The following RANBP10 variants were observed in gnomAD, a reference collection of about 807,000 sequenced individuals.
The protein encoded by RANBP10 is ran-binding protein 10.
Under a neutral mutation model 72.8 loss-of-function variants are expected in RANBP10, and 24 were observed. That is an observed-to-expected ratio of 0.33 (90% CI 0.24 to 0.46). The LOEUF (loss-of-function observed/expected upper bound fraction) is 0.46. Among genes scored for constraint, RANBP10 ranks in the 20% least tolerant of loss-of-function variants. The pLI is 1.00. For missense variants in RANBP10, 679 were observed against 817.5 expected, an observed-to-expected ratio of 0.83 and a Z score of 2.07; for synonymous variants, 310 against 322.3, an observed-to-expected ratio of 0.96 and a Z score of 0.41.
intron 2 of RANBP10, among the ~76,000 whole-genome samples, chr16:67,786,646 G>A: frequency 6.6e-6 from 1 of 152,314 alleles, no homozygotes; most frequent in South Asian, 2.1e-4. Flanking sequence ...AAAAGTTCCA[G>A]GTCAAGTGCA....
chr16:67,737,603 A>C (rs2053879771), intron 5 of RANBP10, among the ~76,000 whole-genome samples: 1 of 152,022 alleles, frequency 6.6e-6, no homozygotes, highest in South Asian at 2.1e-4. Flanking sequence ...CTAGGGCACT[A>C]ACTTTCCTCA....
Position 67,729,969 on chromosome 16 carries a change from C to G in RANBP10, c.967G>C (p.Glu323Gln). 6.2e-7 allele frequency: 1 copy of G among 1,613,738 alleles called. No individual in the cohort carries two copies. Among genetic ancestry groups the G allele is most frequent in the Non-Finnish European group, 8.5e-7 (1 of 1,180,026 alleles). Residue 323 changes from glutamate (E) to glutamine (Q), a missense_variant, in exon 8 of 14, where the codon GAG becomes CAG. Physicochemically the swap from Glu to Gln is conservative, Grantham distance 29 (BLOSUM62 2). Transcript: ENST00000317506. The surrounding 1 kb of genome is among the most constrained non-coding windows in gnomAD (Gnocchi z 7.1). ...ATGAAGAGGAGGTTGGGGTTGTGCT[C>G]CAGCAGCCCTGGGTAGAAGCGCTGG... ...TTQRFYPGLL[E>Q]HNPNLLFMLK...
At chr16:67,788,924 G>A (rs1212984059) in intron 2 of RANBP10, among the ~76,000 whole-genome samples, 3 of 144,622 alleles carry the variant, frequency 2.1e-5, no homozygotes, top group East Asian at 2.1e-4. Context: ...AGCTTGAACC[G>A]AGGTGGAGGC....
intron 2 of RANBP10, among the ~76,000 whole-genome samples, chr16:67,775,293 A>G (rs2054681781): frequency 6.6e-6 from 1 of 152,164 alleles, no homozygotes; most frequent in South Asian, 2.1e-4. Context: ...TCTGGGTGAC[A>G]AAGAGAGACT....
chr16:67,764,370 G>A (rs568889535), intron 3 of RANBP10, among the ~76,000 whole-genome samples: 2 of 152,268 alleles, frequency 1.3e-5, no homozygotes, highest in South Asian at 4.1e-4. Context: ...GATAAGGGCC[G>A]CTTAACTCAC....
In RANBP10 at chr16:67,729,729, G is replaced by A. The variant is rs1377605905; in HGVS notation, c.1098C>T (p.Pro366=). ...PKSQDSYPGS[P]SLSPRHGPSS... is the part of the protein sequence containing the mutation. ...TGGGGCCATGTCGGGGACTGAGGCT[G>A]GGGGAGCCAGGGTAGCTGTCCTGGG... Residue 366 remains proline, a synonymous_variant, in exon 9 of 14, where the codon CCC becomes CCT. Transcript: ENST00000317506. This position sits in a 1 kb window ranked among gnomAD's most constrained non-coding sequence, Gnocchi z 7.1. 2 of 1,613,888 alleles carry A rather than the reference G, an allele frequency of 1.2e-6. No homozygotes were observed. The highest frequency in any genetic ancestry group is 2.2e-5 in the East Asian group (1 of 44,894).
intron 2 of RANBP10, among the ~76,000 whole-genome samples, chr16:67,776,461 CAAAAAAAAA>C (rs149876935): frequency 1.3e-4 from 5 of 37,894 alleles, no homozygotes; most frequent in Non-Finnish European, 2.5e-4. Flanking sequence ...GACTCCATCT[CAAAAAAAAA>C]AAAAAAAAAA....
chr16:67,775,323 T>A (rs560200451), intron 2 of RANBP10, among the ~76,000 whole-genome samples: 9 of 151,786 alleles, frequency 5.9e-5, no homozygotes, highest in South Asian at 4.2e-4. Context: ...AAAATAAATT[T>A]AAAAAAACCC....
rs771004363 is a variant in RANBP10 at position 67,729,667 on chromosome 16, G to C, written c.1147+13C>G. The C allele has an allele frequency of 6.2e-7, 1 of 1,604,812 alleles. No homozygotes were observed. The highest frequency in any genetic ancestry group is 8.5e-7 in the Non-Finnish European group (1 of 1,175,300). ...CACCAGTTCTTCCCAGAGCCCTCTG[G>C]AGAGTGGCTGACCTGTGTTGTGCAT... On this transcript the variant is annotated intron_variant, in intron 9 of 13. Transcript: ENST00000317506. This position sits in a 1 kb window ranked among gnomAD's most constrained non-coding sequence, Gnocchi z 7.1.
At chr16:67,775,133 G>A (rs2054677572) in intron 2 of RANBP10, among the ~76,000 whole-genome samples, 1 of 151,952 alleles carries the variant, frequency 6.6e-6, no homozygotes, top group Non-Finnish European at 1.5e-5. Flanking sequence ...CCAACATGGT[G>A]AAACACCGTC....
chr16:67,740,852 C>T (rs919242698), intron 4 of RANBP10, among the ~76,000 whole-genome samples: 6 of 152,186 alleles, frequency 3.9e-5, no homozygotes, highest in African/African-American at 7.2e-5. Context: ...CATGCACAGT[C>T]GGCATGACTC....
Position 67,806,499 on chromosome 16 carries a change from G to T in RANBP10, c.38C>A (p.Pro13Gln). Residue 13 changes from proline to glutamine, a missense_variant, in exon 1 of 14, where the codon CCG (proline) becomes CAG (glutamine). Physicochemically the swap from Pro to Gln is moderately conservative, Grantham distance 76 (BLOSUM62 -1). Transcript: ENST00000317506. ...AATADPGAGN[P>Q]QPGDSSGGGA... ...CCCGCCGGAGGAGTCCCCAGGCTGCGGGTTCCCAGCTCCCGGGTCTGCCGT... is the reference window on the plus strand; with the variant it reads ...CCCGCCGGAGGAGTCCCCAGGCTGCTGGTTCCCAGCTCCCGGGTCTGCCGT... 1 of 1,532,884 alleles carries T rather than the reference G, an allele frequency of 6.5e-7. No individual in the cohort carries two copies. Among genetic ancestry groups the T allele is most frequent in the Non-Finnish European group, 8.7e-7 (1 of 1,146,520 alleles). The allele number at this position is 1,532,884 out of a possible 1,614,324, so 95.0% of individuals were successfully genotyped here. A position where few individuals can be genotyped will look rare whatever the true frequency, so the allele number is the denominator to read the frequency against.
chr16:67,747,807 ATTTTC>A (rs1353810939), intron 3 of RANBP10, among the ~76,000 whole-genome samples: 8 of 124,790 alleles, frequency 6.4e-5, no homozygotes, highest in Admixed American at 3.4e-4. Flanking sequence ...GCTTGGCCTC[ATTTTC>A]TTTTCTTTTT....
At chr16:67,793,805 T>C (rs965476242) in intron 2 of RANBP10, among the ~76,000 whole-genome samples, 3 of 152,306 alleles carry the variant, frequency 2.0e-5, no homozygotes, top group East Asian at 1.9e-4. Flanking sequence ...ATGCACATAA[T>C]GGCCATAAGC....
At chr16:67,761,575 T>C (rs1413696299) in intron 3 of RANBP10, among the ~76,000 whole-genome samples, 2 of 152,200 alleles carry the variant, frequency 1.3e-5, no homozygotes, top group Non-Finnish European at 2.9e-5. Flanking sequence ...ATTTTTTATT[T>C]TTTATTTTTT....
chr16:67,764,883 C>T (rs1435613607), intron 3 of RANBP10, among the ~76,000 whole-genome samples: 1 of 152,118 alleles, frequency 6.6e-6, no homozygotes, highest in African/African-American at 2.4e-5. Context: ...ATCAAAGAAA[C>T]AGGCATGTTG....
intron 5 of RANBP10, among the ~76,000 whole-genome samples, chr16:67,737,496 C>T (rs971232463): frequency 2.0e-5 from 3 of 151,712 alleles, no homozygotes; most frequent in Non-Finnish European, 2.9e-5. Context: ...GCCACCGCAC[C>T]CGGCCAGAAA....
chr16:67,789,512 T>C (rs551663465), intron 2 of RANBP10, among the ~76,000 whole-genome samples: 2 of 151,384 alleles, frequency 1.3e-5, no homozygotes, highest in South Asian at 4.2e-4. Flanking sequence ...CTCTGTTGCC[T>C]AGGCTGGAGT....
At chr16:67,753,109 T>C (rs1597860913) in intron 3 of RANBP10, among the ~76,000 whole-genome samples, 2 of 149,842 alleles carry the variant, frequency 1.3e-5, no homozygotes, top group Non-Finnish European at 3.0e-5. Context: ...GGTGTGGCGG[T>C]GTGTACTTGT....
Sources: gnomAD v4.1 joint callset for allele counts (sites outside exome capture counted in the v4.1 genomes callset) on GRCh38, gnomAD v4.1.1 for gene constraint, Gnocchi (gnomAD v3.1) non-coding constraint, MANE v1.5 for transcripts, NCBI Gene and HGNC (gene_info 2026-07-23, HGNC 2026-07-21) for gene names.